MYO15A: variants seen among roughly 807,000 people sequenced by gnomAD.
The protein encoded by MYO15A is myosin XVA, also known as unconventional myosin-XV.
In MYO15A, 308 loss-of-function variants were observed where a neutral mutation model predicts 394.6. The ratio of observed to expected loss-of-function variants is 0.78; its 90% CI spans 0.71 to 0.86. The LOEUF (loss-of-function observed/expected upper bound fraction) is 0.86. MYO15A is among the 40% of genes least tolerant of loss of function. The probability of loss-of-function intolerance (pLI) is 0.00; values close to 1 mark genes in which losing one functional copy is unlikely to be tolerated. For missense variants in MYO15A, 4,606 were observed against 4,799.1 expected (o/e 0.96, Z 1.19); for synonymous variants, 1,957 against 2,003.8 (o/e 0.98, Z 0.62).
intron 29 of MYO15A, among the ~76,000 whole-genome samples, chr17:18,145,559 C>A (rs1042135522): frequency 6.6e-6 from 1 of 151,954 alleles, no homozygotes; most frequent in Non-Finnish European, 1.5e-5. Context: ...ACTAAAAATA[C>A]AAAAATTAGC....
At chr17:18,174,127 G>A (rs1458163090) in intron 65 of MYO15A, among the ~76,000 whole-genome samples, 5 of 152,228 alleles carry the variant, frequency 3.3e-5, no homozygotes, top group Non-Finnish European at 7.3e-5. Context: ...GGAAAGGGCA[G>A]TACGGAGCCA....
rs776590495 is a variant in MYO15A at position 18,121,674 on chromosome 17, T to C, written c.2874T>C (p.Pro958=). 1.5e-6 allele frequency: 2 copies of C among 1,306,800 alleles called. No homozygotes were observed. Among genetic ancestry groups the C allele is most frequent in the South Asian group, 2.4e-5 (2 of 82,074 alleles). The allele number at this position is 1,306,800 out of a possible 1,614,324, so 81.0% of individuals were successfully genotyped here. A position where few individuals can be genotyped will look rare whatever the true frequency, so the allele number is the denominator to read the frequency against. ...GCCGAGGCTTTTCCAGGCCACCCCC[T>C]GTGCCGGAAAACCCCTTTCTCCAGC... ...GSRRGFSRPP[P]VPENPFLQLL... is the part of the protein sequence containing the mutation. Residue 958 remains proline, a synonymous_variant, in exon 2 of 66, where the codon CCT becomes CCC. Coordinates refer to ENST00000647165, the MANE Select transcript of MYO15A (RefSeq NM_016239.4). The surrounding 1 kb of genome is among the most constrained non-coding windows in gnomAD (Gnocchi z 5.3).
intron 28 of MYO15A, 72 bp downstream of exon 28, chr17:18,144,072 C>T (rs2046433729): frequency 1.2e-6 from 2 of 1,603,874 alleles, no homozygotes; most frequent in African/African-American, 2.7e-5. Flanking sequence ...ATTGTCCTTG[C>T]CCTGGGGCAG....
At chr17:18,158,024 T>A in intron 51 of MYO15A, 124 bp downstream of exon 51, 11 of 1,324,470 alleles carry the variant, frequency 8.3e-6, no homozygotes, top group Non-Finnish European at 1.1e-5. Flanking sequence ...GCGTGGCTGA[T>A]CTTGGACTAG....
intron 60 of MYO15A, chr17:18,164,533 C>G (rs1454709851): frequency 6.5e-6 from 1 of 154,238 alleles, no homozygotes; most frequent in Non-Finnish European, 1.4e-5. Flanking sequence ...GATGCTGTGC[C>G]CCAGGTATAA....
At chr17:18,116,356 C>T (rs1232199486) in intron 1 of MYO15A, among the ~76,000 whole-genome samples, 3 of 152,252 alleles carry the variant, frequency 2.0e-5, no homozygotes, top group Non-Finnish European at 2.9e-5. Flanking sequence ...GACCCAGGAG[C>T]TCAGCGGGCA....
rs1186783744 is a variant in MYO15A at position 18,143,451 on chromosome 17, C to G, written c.5911-115C>G. The G allele has an allele frequency of 1.9e-5, 24 of 1,233,756 alleles. No homozygotes were observed. The African/African-American group carries it at 3.5e-4, about 18-fold the overall frequency. 76.4% of individuals were successfully genotyped at this position (1,233,756 alleles called of 1,614,324 possible). A position where few individuals can be genotyped will look rare whatever the true frequency, so the allele number is the denominator to read the frequency against. ...GGGGCAGTCACCTCCACACAACAGG[C>G]AAGCTGCCCCCCTTGCTTGAGTGTG... On this transcript the variant is annotated intron_variant, in intron 25 of 65. Coordinates refer to ENST00000647165, the MANE Select transcript of MYO15A (RefSeq NM_016239.4).
chr17:18,136,128 C>G (rs1385690471), intron 13 of MYO15A, among the ~76,000 whole-genome samples: 1 of 152,206 alleles, frequency 6.6e-6, no homozygotes, highest in Non-Finnish European at 1.5e-5. Flanking sequence ...GGGTCAGTGC[C>G]TCCTCTGGTC....
intron 10 of MYO15A, 61 bp downstream of exon 10, chr17:18,131,592 T>C (rs1265874922): frequency 1.3e-5 from 21 of 1,591,436 alleles, no homozygotes; most frequent in Non-Finnish European, 1.6e-5. Context: ...GTACAGATAC[T>C]CAGAGCCTGG....
In MYO15A at chr17:18,112,851, T is replaced by C. The variant is rs999093766; in HGVS notation, c.-220+4027T>C. Among the ~76,000 whole-genome samples, 6 of 33,318 alleles carry C rather than the reference T, an allele frequency of 1.8e-4. No homozygotes were observed. The Admixed American group carries it at 2.0e-3, about 11-fold the overall frequency. The allele number at this position is 33,318 out of a possible 152,430, so 21.9% of individuals were successfully genotyped here. On this transcript the variant is annotated intron_variant, in intron 1 of 65. Transcript: ENST00000647165. ...TTCTTATGTATCTTTTGCTGTATTATTATTATTTTTTTTTGAAACGGAGTC... is the reference window on the plus strand; with the variant it reads ...TTCTTATGTATCTTTTGCTGTATTACTATTATTTTTTTTTGAAACGGAGTC...
chr17:18,137,737 G>A lies in MYO15A; in HGVS notation c.4875+58G>A, dbSNP rs367815610. On this transcript the variant is annotated intron_variant, in intron 16 of 65. Transcript: ENST00000647165. ...TCTTGACTGGCCAGTGGACCTCCTT[G>A]GAGACAGATGAGGATATACTGGTTG... 5.6e-5 allele frequency: 87 copies of A among 1,545,582 alleles called. No homozygotes were observed. The South Asian group carries it at 9.1e-4, about 16-fold the overall frequency.
intron 40 of MYO15A, 40 bp downstream of exon 40, chr17:18,151,567 C>A: frequency 1.2e-6 from 2 of 1,612,196 alleles, no homozygotes; most frequent in Non-Finnish European, 1.7e-6. Context: ...AGCCCCCTCA[C>A]TGTACCTGAG....
Position 18,138,894 on chromosome 17 carries a change from T to G in MYO15A, c.5091T>G (p.Pro1697=), listed in dbSNP as rs761998143. ...ATTCCAAACCCAAGATGCCGCTGCC[T>G]GAGTTCACCATCAAGCACTATGCAG... The part of the protein sequence containing the change: ...PLYSKPKMPL[P]EFTIKHYAGK... Residue 1697 remains proline, a synonymous_variant, in exon 18 of 66, where the codon CCT becomes CCG. Coordinates refer to ENST00000647165, the MANE Select transcript of MYO15A (RefSeq NM_016239.4). 29 of 1,613,180 alleles carry G rather than the reference T, an allele frequency of 1.8e-5. No individual in the cohort carries two copies. Among genetic ancestry groups the G allele is most frequent in the Middle Eastern group, 1.6e-4 (1 of 6,084 alleles).
In MYO15A at chr17:18,119,156, G is replaced by A. The variant is rs771052908; in HGVS notation, c.356G>A (p.Arg119His). The part of the protein sequence containing the change: ...IRFPGRRGYG[R>H]LRPRARSLSK... ...TTCCCAGGCCGCCGTGGCTACGGCC[G>A]CCTGCGGCCGCGCGCCCGGTCACTC... Residue 119 changes from arginine (R) to histidine (H), a missense_variant, in exon 2 of 66, where the codon CGC becomes CAC. Physicochemically the swap from Arg to His is conservative, Grantham distance 29 (BLOSUM62 0). Transcript: ENST00000647165. 4 of 1,611,356 alleles carry A rather than the reference G, an allele frequency of 2.5e-6. No homozygotes were observed. Among genetic ancestry groups the A allele is most frequent in the East Asian group, 2.2e-5 (1 of 44,866 alleles).
Position 18,149,126 on chromosome 17 carries a change from A to G in MYO15A, c.6957-90A>G. On this transcript the variant is annotated intron_variant, in intron 33 of 65. Coordinates refer to ENST00000647165, the MANE Select transcript of MYO15A (RefSeq NM_016239.4). ...AAAGGATCCTGCTTTTAAATGGAGA[A>G]AGCCACTGAATACCAGGGTGCAGAA... 3.2e-6 allele frequency: 5 copies of G among 1,545,998 alleles called. No individual in the cohort carries two copies. The South Asian group carries it at 5.8e-5, about 18-fold the overall frequency.
At chr17:18,166,650 G>A in intron 61 of MYO15A, 129 bp downstream of exon 61, 2 of 1,273,432 alleles carry the variant, frequency 1.6e-6, no homozygotes, top group Non-Finnish European at 2.2e-6. Flanking sequence ...TAGCCCTGAT[G>A]TCTCTGCTCC....
chr17:18,153,956 C>CG lies in MYO15A; in HGVS notation c.8088+61dup. ...AAGCGGGGCAGGGGAGGGGCTGAAG[C>CG]GAGCAGAGGAGGGTCTAGGACTTGG... On this transcript the variant is annotated intron_variant, in intron 43 of 65. Transcript: ENST00000647165. This position sits in a 1 kb window ranked among gnomAD's most constrained non-coding sequence, Gnocchi z 4.1. The CG allele has an allele frequency of 6.2e-7, 1 of 1,609,136 alleles. No individual in the cohort carries two copies. Among genetic ancestry groups the CG allele is most frequent in the Non-Finnish European group, 8.5e-7 (1 of 1,177,000 alleles).
At chr17:18,139,260 G>T in intron 18 of MYO15A, 1 of 605,820 alleles carries the variant, frequency 1.7e-6, no homozygotes, top group Non-Finnish European at 3.0e-6. Context: ...TGCCCTGGAG[G>T]TGTCTCAGGC....
At chr17:18,171,287 G>A (rs535170413) in intron 62 of MYO15A, among the ~76,000 whole-genome samples, 2 of 152,264 alleles carry the variant, frequency 1.3e-5, no homozygotes, top group East Asian at 1.9e-4. Flanking sequence ...CTCCTTGGGG[G>A]CAGAAGGTAT....
Sources: gnomAD v4.1 joint callset for allele counts (sites outside exome capture counted in the v4.1 genomes callset) on GRCh38, gnomAD v4.1.1 for gene constraint, Gnocchi (gnomAD v3.1) non-coding constraint, MANE v1.5 for transcripts, NCBI Gene and HGNC (gene_info 2026-07-23, HGNC 2026-07-21) for gene names.